Variants in SBK1 observed in about 807,000 individuals in gnomAD.
SBK1 encodes serine/threonine-protein kinase SBK1.
SBK1 carries 11 observed loss-of-function variants against 24.4 expected under a neutral mutation model. The ratio of observed to expected loss-of-function variants is 0.45; its 90% confidence interval spans 0.28 to 0.75. SBK1 has a LOEUF of 0.75. SBK1 is among the 30% of genes least tolerant of loss of function. The pLI, the probability that SBK1 is intolerant of heterozygous loss-of-function variation, is 0.12. For synonymous variants in SBK1, 308 were observed against 284.4 expected, an observed-to-expected ratio of 1.08 and a Z score of -0.83; for missense variants, 467 against 620.5, an observed-to-expected ratio of 0.75 and a Z score of 2.63.
At chr16:28,290,507 C>CT (rs2141573883), upstream of SBK1, 1 of 152,318 alleles carries the variant, frequency 6.6e-6, no homozygotes, top group East Asian at 1.9e-4. Flanking sequence ...TAGTGGCACA[C>CT]GCCTGTAATC....
At chr16:28,304,620 T>C (rs1423054428) in intron 1 of SBK1, among the ~76,000 whole-genome samples, 2 of 152,184 alleles carry the variant, frequency 1.3e-5, no homozygotes, top group Non-Finnish European at 2.9e-5. Flanking sequence ...TTTTTTGTTT[T>C]TTTTTGAGAC....
chr16:28,298,266 A>G (rs2141579179), intron 1 of SBK1, among the ~76,000 whole-genome samples: 1 of 152,290 alleles, frequency 6.6e-6, no homozygotes, highest in Non-Finnish European at 1.5e-5. Flanking sequence ...GCTCAGCCCC[A>G]CCTTGGGAAA....
Position 28,320,348 on chromosome 16 carries a change from G to A in SBK1, c.702G>A (p.Val234=), listed in dbSNP as rs1429194356. The change falls in exon 4 of 4, where the codon GTG becomes GTA. Residue 234 remains valine (V), a synonymous_variant. Transcript: ENST00000341901. This position sits in a 1 kb window ranked among gnomAD's most constrained non-coding sequence, Gnocchi z 8.5. ...ACGGGCTGGCGGTGGACACGGGCGTGGACGTGTGGGCCTTCGGCGTGCTCA... is the reference window on the plus strand; with the variant it reads ...ACGGGCTGGCGGTGGACACGGGCGTAGACGTGTGGGCCTTCGGCGTGCTCA... ...RADGLAVDTG[V]DVWAFGVLIF... is the part of the protein sequence containing the mutation. The A allele has an allele frequency of 6.3e-7, 1 of 1,593,362 alleles. No individual in the cohort carries two copies. Among genetic ancestry groups the A allele is most frequent in the African/African-American group, 1.3e-5 (1 of 74,556 alleles).
At chr16:28,312,504 A>C (rs137918369) in intron 1 of SBK1, among the ~76,000 whole-genome samples, 4 of 152,178 alleles carry the variant, frequency 2.6e-5, no homozygotes, top group Non-Finnish European at 5.9e-5. Context: ...GCGTGGAGAC[A>C]TGGTGGCAAG....
At chr16:28,311,478 G>A (rs371072870) in intron 1 of SBK1, among the ~76,000 whole-genome samples, 24 of 152,118 alleles carry the variant, frequency 1.6e-4, no homozygotes, top group East Asian at 5.8e-4. Context: ...CAGGATCATC[G>A]CTTGAGGCTA....
intron 1 of SBK1, among the ~76,000 whole-genome samples, chr16:28,309,643 T>A (rs1406111561): frequency 2.0e-5 from 3 of 152,162 alleles, no homozygotes; most frequent in Non-Finnish European, 4.4e-5. Flanking sequence ...ATGCCTGTGG[T>A]CCTAGCTACT....
In SBK1 at chr16:28,317,630, A is replaced by G; in HGVS notation, c.226+13A>G. 1 of 1,057,794 alleles carries G rather than the reference A, an allele frequency of 9.5e-7. No individual in the cohort carries two copies. The highest frequency in any genetic ancestry group is 1.4e-6 in the Non-Finnish European group (1 of 731,128). 65.5% of individuals were successfully genotyped at this position (1,057,794 alleles called of 1,614,324 possible). On this transcript the variant is annotated intron_variant, in intron 2 of 3. Coordinates refer to ENST00000341901, the MANE Select transcript of SBK1 (RefSeq NM_001024401.3). The surrounding 1 kb of genome is among the most constrained non-coding windows in gnomAD (Gnocchi z 4.2). ...TACAAGGGCACAGGTGAACAAGTGC[A>G]GGGTGGCAGGGCTGAGAGGTTGGGG... is the stretch of plus-strand genomic sequence containing the variant.
At position 28,320,767 on chromosome 16, in the gene SBK1, C is replaced by T. The variant is rs1430672864; in HGVS notation, c.1121C>T (p.Pro374Leu). 1.1e-5 allele frequency: 16 copies of T among 1,391,334 alleles called. No homozygotes were observed. Among genetic ancestry groups the T allele is most frequent in the South Asian group, 6.5e-5 (5 of 76,472 alleles). The allele number at this position is 1,391,334 out of a possible 1,614,324, so 86.2% of individuals were successfully genotyped here. ...GCGCCCCCCGCCGTCGGGTCGGTGCCCTTGCCCGTGCCGGTGCCGGTGCCA... is the reference window on the plus strand; with the variant it reads ...GCGCCCCCCGCCGTCGGGTCGGTGCTCTTGCCCGTGCCGGTGCCGGTGCCA... Reference protein sequence around the residue: ...RPAPPAVGSVPLPVPVPVPVP... With the variant: ...RPAPPAVGSVLLPVPVPVPVP... Residue 374 changes from proline to leucine, a missense_variant, in exon 4 of 4, where the codon CCC (proline) becomes CTC (leucine). By Grantham distance (98) the Pro-to-Leu change is moderately conservative. Transcript: ENST00000341901. This position sits in a 1 kb window ranked among gnomAD's most constrained non-coding sequence, Gnocchi z 8.5.
At chr16:28,305,568 G>A (rs2044711060) in intron 1 of SBK1, among the ~76,000 whole-genome samples, 1 of 145,236 alleles carries the variant, frequency 6.9e-6, no homozygotes, top group South Asian at 2.2e-4. Flanking sequence ...GACTTTCTCT[G>A]TCGTCCAGGC....
In SBK1 at chr16:28,319,615, A is replaced by AC. The variant is rs531430411; in HGVS notation, c.429+420dup. Among the ~76,000 whole-genome samples the AC allele has an allele frequency of 1.3e-5, 2 of 151,630 alleles. No individual in the cohort carries two copies. The highest frequency in any genetic ancestry group is 2.9e-5 in the Non-Finnish European group (2 of 67,802). ...TGCCACTTGCTGGCTGAGTGATGAGACCTTCGGAGCAGGTCCTCCTTCTTT... is the reference window on the plus strand; with the variant it reads ...TGCCACTTGCTGGCTGAGTGATGAGACCCTTCGGAGCAGGTCCTCCTTCTTT... On this transcript the variant is annotated intron_variant, in intron 3 of 3. Transcript: ENST00000341901. This position sits in a 1 kb window ranked among gnomAD's most constrained non-coding sequence, Gnocchi z 4.0.
intron 1 of SBK1, among the ~76,000 whole-genome samples, chr16:28,262,152 T>C (rs1009733898): frequency 3.3e-5 from 5 of 152,098 alleles, no homozygotes; most frequent in African/African-American, 4.8e-5. Context: ...GTTTCTTTGC[T>C]GCTGGAGGAG....
chr16:28,280,564 G>T (rs2044527643), intron 1 of SBK1, among the ~76,000 whole-genome samples: 1 of 151,776 alleles, frequency 6.6e-6, no homozygotes, highest in Non-Finnish European at 1.5e-5. Flanking sequence ...CCTAAGGATG[G>T]CTGACAAGGG....
chr16:28,284,490 G>A (rs766543016), intron 1 of SBK1, among the ~76,000 whole-genome samples: 62 of 152,314 alleles, frequency 4.1e-4, no homozygotes, highest in Non-Finnish European at 7.1e-4. Context: ...CAATGGCCTC[G>A]TCCCAGTCCT....
chr16:28,293,933 CCAAA>C (rs2044620791), intron 1 of SBK1, among the ~76,000 whole-genome samples: 4 of 152,142 alleles, frequency 2.6e-5, no homozygotes, highest in Non-Finnish European at 5.9e-5. Context: ...TAAGTACCCC[CCAAA>C]GTGAGGCGCT....
chr16:28,304,851 G>A (rs190812314), intron 1 of SBK1, among the ~76,000 whole-genome samples: 2 of 151,964 alleles, frequency 1.3e-5, no homozygotes, highest in East Asian at 1.9e-4. Context: ...CTCGTGATCC[G>A]CCCGCCTCTG....
intron 1 of SBK1, among the ~76,000 whole-genome samples, chr16:28,311,569 C>T (rs145206447): frequency 3.9e-5 from 6 of 151,978 alleles, no homozygotes; most frequent in East Asian, 3.9e-4. Flanking sequence ...TGCACCATGA[C>T]GCACACCTGC....
intron 1 of SBK1, among the ~76,000 whole-genome samples, chr16:28,267,556 T>C (rs1175650442): frequency 6.6e-6 from 1 of 152,220 alleles, no homozygotes; most frequent in Non-Finnish European, 1.5e-5. Flanking sequence ...CAGGGGGCCA[T>C]TGTTCTGCCT....
intron 1 of SBK1, among the ~76,000 whole-genome samples, chr16:28,299,567 T>C (rs930902592): frequency 8.5e-5 from 13 of 152,162 alleles, no homozygotes; most frequent in African/African-American, 3.1e-4. Context: ...CAGTGAGAAC[T>C]GTGTCAGGGA....
At chr16:28,293,570 G>T (rs1050158895) in intron 1 of SBK1, among the ~76,000 whole-genome samples, 9 of 150,676 alleles carry the variant, frequency 6.0e-5, no homozygotes, top group African/African-American at 1.7e-4. Context: ...GCCATGGAGA[G>T]GGGGGAAGAG....
Sources: allele counts gnomAD v4.1 joint callset (sites outside exome capture counted in the v4.1 genomes callset), GRCh38; gene constraint gnomAD v4.1.1; non-coding constraint Gnocchi (gnomAD v3.1); transcripts MANE v1.5; gene names NCBI Gene and HGNC (gene_info 2026-07-23, HGNC 2026-07-21).